The following MINPP1 variants were observed in gnomAD, a reference collection of about 807,000 sequenced individuals.
MINPP1 encodes multiple inositol polyphosphate phosphatase 1.
Under a neutral mutation model 46.1 loss-of-function variants are expected in MINPP1, and 28 were observed. That is an observed-to-expected ratio of 0.61 (90% CI 0.45 to 0.83). MINPP1 has a LOEUF of 0.83. Ranked by LOEUF, MINPP1 falls within the 40% of genes least tolerant of loss-of-function variation. The pLI is 0.00. For missense variants in MINPP1, 603 were observed against 610.0 expected (o/e 0.99, Z 0.12); for synonymous variants, 268 against 249.1 (o/e 1.08, Z -0.72).
intron 4 of MINPP1, among the ~76,000 whole-genome samples, chr10:87,528,984 G>A (rs947747818): frequency 1.3e-5 from 2 of 152,088 alleles, no homozygotes; most frequent in African/African-American, 4.8e-5. Context: ...TGTCTCTTTT[G>A]ATCTTTGCTG....
In MINPP1 at chr10:87,518,740, C is replaced by T. The variant is rs1024331567; in HGVS notation, c.934-2296C>T. On this transcript the variant is annotated intron_variant, in intron 3 of 4. Coordinates refer to ENST00000371996, the MANE Select transcript of MINPP1 (RefSeq NM_004897.5). ...CTCTTCTTTGGGTTCAGTTAATTTG[C>T]TGTAGCAGCTCACAGAACTCAAGGA... 2.6e-5 allele frequency among the ~76,000 whole-genome samples: 4 copies of T among 152,302 alleles called. No individual in the cohort carries two copies. In the East Asian group the frequency reaches 7.7e-4, roughly 29 times the overall value.
Position 87,505,497 on chromosome 10 carries a change from C to T in MINPP1, c.582C>T (p.Phe194=), listed in dbSNP as rs1337678314. The T allele has an allele frequency of 6.2e-7, 1 of 1,612,514 alleles. No homozygotes were observed. Among genetic ancestry groups the T allele is most frequent in the Non-Finnish European group, 8.5e-7 (1 of 1,179,602 alleles). ...KHRCMDSSAA[F]LQGLWQHYHP... is the part of the protein sequence containing the mutation. ...GCTGCATGGATAGCAGCGCCGCCTT[C>T]CTGCAGGGGCTGTGGCAGCACTACC... Residue 194 remains phenylalanine (F), a synonymous_variant, in exon 1 of 5, where the codon TTC becomes TTT. Transcript: ENST00000371996. This position sits in a 1 kb window ranked among gnomAD's most constrained non-coding sequence, Gnocchi z 4.4.
intron 2 of MINPP1, among the ~76,000 whole-genome samples, chr10:87,509,392 TTGAA>T (rs1276789624): frequency 5.3e-5 from 8 of 152,226 alleles, no homozygotes; most frequent in African/African-American, 1.7e-4. Flanking sequence ...GCATTTGAAA[TTGAA>T]TTTTTTCTCT....
At chr10:87,547,187 C>T (rs1022559227) in intron 4 of MINPP1, among the ~76,000 whole-genome samples, 4 of 152,070 alleles carry the variant, frequency 2.6e-5, no homozygotes, top group Non-Finnish European at 5.9e-5. Context: ...TCTTGGCTCA[C>T]TGTGACCACT....
Position 87,505,140 on chromosome 10 carries a change from G to A in MINPP1, c.225G>A (p.Glu75=), listed in dbSNP as rs764354410. ...EAPWRDPELL[E]GTCTPVQLVA... ...CGTGGCGGGACCCTGAGCTGCTGGAGGGGACCTGCACCCCGGTGCAGCTGG... is the reference window on the plus strand; with the variant it reads ...CGTGGCGGGACCCTGAGCTGCTGGAAGGGACCTGCACCCCGGTGCAGCTGG... Residue 75 remains glutamate (E), a synonymous_variant, in exon 1 of 5, where the codon GAG becomes GAA. Coordinates refer to ENST00000371996, the MANE Select transcript of MINPP1 (RefSeq NM_004897.5). The surrounding 1 kb of genome is among the most constrained non-coding windows in gnomAD (Gnocchi z 4.4). The A allele has an allele frequency of 6.2e-7, 1 of 1,611,814 alleles. No homozygotes were observed. The highest frequency in any genetic ancestry group is 8.5e-7 in the Non-Finnish European group (1 of 1,179,238).
chr10:87,531,110 C>T (rs1851653639), intron 4 of MINPP1, among the ~76,000 whole-genome samples: 1 of 152,164 alleles, frequency 6.6e-6, no homozygotes. Flanking sequence ...TCATGGCTTC[C>T]TTTGGCTAAG....
At position 87,521,026 on chromosome 10, in the gene MINPP1, AT is replaced by A; in HGVS notation, c.934-3del. 1.1e-6 allele frequency: 1 copy of A among 934,912 alleles called. No individual in the cohort carries two copies. Among genetic ancestry groups the A allele is most frequent in the Non-Finnish European group, 1.7e-6 (1 of 592,174 alleles). 57.9% of individuals were successfully genotyped at this position (934,912 alleles called of 1,614,324 possible). A position where few individuals can be genotyped will look rare whatever the true frequency, so the allele number is the denominator to read the frequency against. The stretch of plus-strand genomic sequence containing the variant: ...AAAATATATTAGAAATTATTTTTGA[AT>A]TTTTTTAGGTATTAGAATATTTAAA... On this transcript the variant is annotated splice_polypyrimidine_tract_variant and intron_variant, in intron 3 of 4. Transcript: ENST00000371996.
chr10:87,537,879 C>A (rs932317014), intron 4 of MINPP1, among the ~76,000 whole-genome samples: 1 of 152,052 alleles, frequency 6.6e-6, no homozygotes, highest in Non-Finnish European at 1.5e-5. Flanking sequence ...AGGCAATCCT[C>A]CCACCTCAGC....
At chr10:87,507,534 A>G (rs775687672) in intron 1 of MINPP1, among the ~76,000 whole-genome samples, 42 of 152,238 alleles carry the variant, frequency 2.8e-4, no homozygotes, top group Admixed American at 4.6e-4. Flanking sequence ...AGATAAAACT[A>G]TATTCAATTT....
rs754952017 is a variant in MINPP1 at position 87,505,293 on chromosome 10, C to T, written c.378C>T (p.Asp126=). The change falls in exon 1 of 5, where the codon GAC becomes GAT. Residue 126 remains aspartate (D), a synonymous_variant. Coordinates refer to ENST00000371996, the MANE Select transcript of MINPP1 (RefSeq NM_004897.5). This position sits in a 1 kb window ranked among gnomAD's most constrained non-coding sequence, Gnocchi z 4.4. The part of the protein sequence containing the change: ...DGGASSTGSR[D]LGAALADWPL... ...GGGCTAGTAGTACCGGCAGCCGCGA[C>T]CTGGGTGCAGCGCTGGCCGACTGGC... 2 of 1,611,124 alleles carry T rather than the reference C, an allele frequency of 1.2e-6. No homozygotes were observed. The highest frequency in any genetic ancestry group is 1.7e-4 in the Middle Eastern group (1 of 6,052).
chr10:87,504,961 G>A lies in MINPP1; in HGVS notation c.46G>A (p.Ala16Thr), dbSNP rs1319269528. 6.2e-6 allele frequency: 10 copies of A among 1,611,802 alleles called. No individual in the cohort carries two copies. The highest frequency in any genetic ancestry group is 8.5e-6 in the Non-Finnish European group (10 of 1,179,520). ...CCTCCTCCGGACCTCCGTAGCGCCT[G>A]CCGCGGCCCTGGCTGCGGCGCTGCT... The part of the protein sequence containing the change: ...GCLLRTSVAP[A>T]AALAAALLSS... Residue 16 changes from alanine (A) to threonine (T), a missense_variant, in exon 1 of 5, where the codon GCC becomes ACC. By Grantham distance (58) the Ala-to-Thr change is moderately conservative (BLOSUM62 0). Around this residue, in one of 3 missense-constraint regions of MINPP1, gnomAD observed 239 missense variants for 189.4 expected, o/e 1.26. Coordinates refer to ENST00000371996, the MANE Select transcript of MINPP1 (RefSeq NM_004897.5).
intron 1 of MINPP1, 169 bp from the exon 2 acceptor site, chr10:87,508,167 A>G (rs1285854654): frequency 6.5e-7 from 1 of 1,542,322 alleles, no homozygotes; most frequent in African/African-American, 1.4e-5. Context: ...GCCATTATAA[A>G]TGGGGAATAA....
rs141983902 is a variant in MINPP1 at position 87,540,497 on chromosome 10, A to T, written c.1068-11585A>T. 9.6e-4 allele frequency among the ~76,000 whole-genome samples: 4 copies of T among 4,172 alleles called. No homozygotes were observed. In the African/African-American group the frequency reaches 9.7e-3, roughly 10 times the overall value. 2.7% of individuals were successfully genotyped at this position (4,172 alleles called of 152,430 possible). A position where few individuals can be genotyped will look rare whatever the true frequency, so the allele number is the denominator to read the frequency against. On this transcript the variant is annotated intron_variant, in intron 4 of 4. Coordinates refer to ENST00000371996, the MANE Select transcript of MINPP1 (RefSeq NM_004897.5). ...CTCTGTCTCTGTCTCTCTCTCTGTC[A>T]CACACACACACACACACACACACAC...
At chr10:87,517,863 T>C (rs1851435323) in intron 3 of MINPP1, among the ~76,000 whole-genome samples, 1 of 151,016 alleles carries the variant, frequency 6.6e-6, no homozygotes, top group Non-Finnish European at 1.5e-5. Flanking sequence ...GGTTTTGCCA[T>C]GTTGGCCAGG....
intron 4 of MINPP1, among the ~76,000 whole-genome samples, chr10:87,539,567 G>A (rs1310240099): frequency 6.6e-6 from 1 of 152,198 alleles, no homozygotes; most frequent in East Asian, 1.9e-4. Flanking sequence ...TCAGACATTT[G>A]TGGAATATAT....
In MINPP1 at chr10:87,505,727, A is replaced by T. The variant is rs182106252; in HGVS notation, c.637+175A>T. Reference sequence around the variant, plus strand: ...GTCGAGGGATATTACAGACTTGGCTATCTCTTTTTCCCCTTACACGTATGT... The same window carrying T: ...GTCGAGGGATATTACAGACTTGGCTTTCTCTTTTTCCCCTTACACGTATGT... On this transcript the variant is annotated intron_variant, in intron 1 of 4. Transcript: ENST00000371996. The surrounding 1 kb of genome is among the most constrained non-coding windows in gnomAD (Gnocchi z 4.4). 6.6e-6 allele frequency among the ~76,000 whole-genome samples: 1 copy of T among 152,092 alleles called. No homozygotes were observed. Among genetic ancestry groups the T allele is most frequent in the Non-Finnish European group, 1.5e-5 (1 of 68,010 alleles).
intron 4 of MINPP1, among the ~76,000 whole-genome samples, chr10:87,531,939 C>T (rs1049524954): frequency 6.6e-6 from 1 of 152,082 alleles, no homozygotes; most frequent in African/African-American, 2.4e-5. Flanking sequence ...TCAACCTATA[C>T]CTCACCTGAC....
chr10:87,548,446 G>A lies in MINPP1; in HGVS notation c.1068-3636G>A, dbSNP rs567750043. On this transcript the variant is annotated intron_variant, in intron 4 of 4. Transcript: ENST00000371996. ...TTTTGAAAAGTCTCTTCTTTATTAC[G>A]TTTTGGAAAACTGAGTGCAGCTTAT... is the stretch of plus-strand genomic sequence containing the variant. 1.7e-4 allele frequency among the ~76,000 whole-genome samples: 26 copies of A among 152,116 alleles called. No individual in the cohort carries two copies. The South Asian group carries it at 5.4e-3, about 32-fold the overall frequency.
At chr10:87,541,241 G>A (rs1851811479) in intron 4 of MINPP1, among the ~76,000 whole-genome samples, 1 of 152,100 alleles carries the variant, frequency 6.6e-6, no homozygotes, top group South Asian at 2.1e-4. Flanking sequence ...TTACCTGGAG[G>A]CAGTTGTTTT....
Sources: allele counts gnomAD v4.1 joint callset (sites outside exome capture counted in the v4.1 genomes callset), GRCh38; gene constraint gnomAD v4.1.1; regional missense constraint gnomAD v4.1.1; non-coding constraint Gnocchi (gnomAD v3.1); transcripts MANE v1.5; gene names NCBI Gene and HGNC (gene_info 2026-07-23, HGNC 2026-07-21).